MAGI2: variants seen among roughly 807,000 people sequenced by gnomAD.
The protein encoded by MAGI2 is membrane-associated guanylate kinase, WW and PDZ domain-containing protein 2.
A neutral mutation model predicts 133.3 loss-of-function variants in MAGI2; 35 were observed. The observed-to-expected ratio is 0.26, with a 90% confidence interval of 0.20 to 0.35. The LOEUF (loss-of-function observed/expected upper bound fraction) is 0.35. MAGI2 is among the 10% of genes least tolerant of loss of function. MAGI2 has a pLI of 1.00. For missense variants in MAGI2, 1,636 were observed against 1,863.4 expected (o/e 0.88, Z 2.25); for synonymous variants, 729 against 710.6 (o/e 1.03, Z -0.41).
intron 6 of MAGI2, among the ~76,000 whole-genome samples, chr7:78,425,791 T>C (rs1284833554): frequency 6.6e-6 from 1 of 152,220 alleles, no homozygotes; most frequent in Non-Finnish European, 1.5e-5. Context: ...GTAAGAGGCA[T>C]ATCATTGGGT....
At chr7:78,403,816 T>G (rs10252423) in intron 6 of MAGI2, among the ~76,000 whole-genome samples, 125,329 of 152,062 alleles carry the variant, frequency 0.82, 51,815 homozygotes, top group African/African-American at 0.87. Flanking sequence ...AAGTGTCTGG[T>G]CAATCAGGCA....
At chr7:78,771,878 TG>T (rs1300129512) in intron 2 of MAGI2, among the ~76,000 whole-genome samples, 2 of 152,236 alleles carry the variant, frequency 1.3e-5, no homozygotes, top group Non-Finnish European at 2.9e-5. Context: ...AGTAATGCTT[TG>T]CTCTGAGACA....
Position 78,824,445 on chromosome 7 carries a change from C to T in MAGI2, c.418+182645G>A, listed in dbSNP as rs191215837. Among the ~76,000 whole-genome samples, 6 of 152,286 alleles carry T rather than the reference C, an allele frequency of 3.9e-5. No individual in the cohort carries two copies. In the East Asian group the frequency reaches 1.2e-3, roughly 29 times the overall value. On this transcript the variant is annotated intron_variant, in intron 2 of 21. Transcript: ENST00000354212. ...ATAGCCTCACCAACATCTGTTCTTTCCTGACTTTTTAATATTCGCCATTCT... is the reference window on the plus strand; with the variant it reads ...ATAGCCTCACCAACATCTGTTCTTTTCTGACTTTTTAATATTCGCCATTCT...
At chr7:78,493,263 C>T (rs969622196) in intron 5 of MAGI2, among the ~76,000 whole-genome samples, 2 of 152,156 alleles carry the variant, frequency 1.3e-5, no homozygotes, top group Admixed American at 1.3e-4. Flanking sequence ...TAACTTTTGC[C>T]AAACTGACAG....
intron 1 of MAGI2, among the ~76,000 whole-genome samples, chr7:79,135,993 A>AAG (rs1554375862): frequency 1.6e-3 from 78 of 49,582 alleles, no homozygotes; most frequent in African/African-American, 3.7e-3. Flanking sequence ...GAAAGAAAGA[A>AAG]AGAAAGAAAG....
At chr7:79,320,154 G>T (rs544612686) in intron 1 of MAGI2, among the ~76,000 whole-genome samples, 1 of 152,014 alleles carries the variant, frequency 6.6e-6, no homozygotes, top group African/African-American at 2.4e-5. Context: ...ATTTCTTATT[G>T]CTTTAGAGAG....
At chr7:79,449,897 T>TATATATATATATATATATATATATAA (rs1491494586) in intron 1 of MAGI2, among the ~76,000 whole-genome samples, 2,723 of 130,948 alleles carry the variant, frequency 0.021, 70 homozygotes, top group East Asian at 0.027. Flanking sequence ...TATATATATA[T>TATATATATATATATATATATATATAA]AATGTCTTAA....
At chr7:79,274,738 C>T (rs1485862162) in intron 1 of MAGI2, among the ~76,000 whole-genome samples, 3 of 152,104 alleles carry the variant, frequency 2.0e-5, no homozygotes, top group Non-Finnish European at 4.4e-5. Flanking sequence ...TGTGTCAACA[C>T]GATGCCAGGC....
At chr7:78,923,311 G>A (rs926834216) in intron 2 of MAGI2, among the ~76,000 whole-genome samples, 2 of 152,088 alleles carry the variant, frequency 1.3e-5, no homozygotes, top group Admixed American at 1.3e-4. Flanking sequence ...TTCTTCTAGG[G>A]TTTTTATGGT....
At chr7:78,369,447 A>G (rs1384874988) in intron 6 of MAGI2, among the ~76,000 whole-genome samples, 1 of 152,094 alleles carries the variant, frequency 6.6e-6, no homozygotes, top group Non-Finnish European at 1.5e-5. Flanking sequence ...CGGTCTAGCC[A>G]TTTGTCTCAT....
intron 1 of MAGI2, among the ~76,000 whole-genome samples, chr7:79,444,456 T>A (rs937901372): frequency 6.6e-5 from 10 of 152,174 alleles, no homozygotes; most frequent in Admixed American, 1.3e-4. Flanking sequence ...ATAAGCAACT[T>A]CAGCAAAGTC....
intron 1 of MAGI2, among the ~76,000 whole-genome samples, chr7:79,321,183 A>G (rs1210784322): frequency 1.3e-5 from 2 of 152,174 alleles, no homozygotes; most frequent in African/African-American, 4.8e-5. Context: ...AACACTGTTA[A>G]TAAGTGAAAA....
intron 1 of MAGI2, among the ~76,000 whole-genome samples, chr7:79,116,137 A>G (rs1276827227): frequency 2.6e-5 from 4 of 152,102 alleles, no homozygotes; most frequent in Non-Finnish European, 4.4e-5. Context: ...GATTGAAGGG[A>G]CACTCATCTT....
intron 6 of MAGI2, among the ~76,000 whole-genome samples, chr7:78,458,122 A>T (rs527693214): frequency 6.6e-6 from 1 of 151,936 alleles, no homozygotes; most frequent in South Asian, 2.1e-4. Context: ...ATGGTGAAAC[A>T]CCGTCTCTAC....
At chr7:78,077,720 A>C (rs1053042554) in intron 21 of MAGI2, among the ~76,000 whole-genome samples, 3 of 128,010 alleles carry the variant, frequency 2.3e-5, no homozygotes, top group African/African-American at 9.8e-5. Context: ...AGTACTCTTT[A>C]GAATGTTTTT....
chr7:78,465,377 T>G (rs535153514), intron 6 of MAGI2, among the ~76,000 whole-genome samples: 1 of 152,288 alleles, frequency 6.6e-6, no homozygotes, highest in Admixed American at 6.5e-5. Flanking sequence ...GGCATGTTCC[T>G]TACTAGAGAG....
intron 11 of MAGI2, among the ~76,000 whole-genome samples, chr7:78,195,829 A>T (rs925856082): frequency 2.0e-5 from 3 of 152,144 alleles, no homozygotes; most frequent in African/African-American, 7.2e-5. Context: ...AGGAAGCCAG[A>T]CTCCCTGAGA....
At chr7:79,255,835 AT>A (rs1409579785) in intron 1 of MAGI2, among the ~76,000 whole-genome samples, 7 of 152,210 alleles carry the variant, frequency 4.6e-5, no homozygotes, top group Admixed American at 3.3e-4. Flanking sequence ...TGAAAAAAAA[AT>A]ACTCATTATA....
chr7:78,744,237 A>G (rs139715086), intron 2 of MAGI2, among the ~76,000 whole-genome samples: 3 of 152,284 alleles, frequency 2.0e-5, no homozygotes, highest in Admixed American at 6.5e-5. Context: ...CGCTAATTTT[A>G]TAAAGAAAAA....
Sources: gnomAD v4.1 joint callset for allele counts (sites outside exome capture counted in the v4.1 genomes callset) on GRCh38, gnomAD v4.1.1 for gene constraint, MANE v1.5 for transcripts, NCBI Gene and HGNC (gene_info 2026-07-23, HGNC 2026-07-21) for gene names.